The following ENTREP3 variants were observed in gnomAD, a reference collection of about 807,000 sequenced individuals.
ENTREP3 encodes protein ENTREP3.
chr1:155,247,879 G>A, the ENTREP3 span: 1 of 1,555,290 alleles, frequency 6.4e-7, no homozygotes, highest in Middle Eastern at 1.7e-4. Flanking sequence ...CCGCAGGGAA[G>A]AGCTAGAGCT....
chr1:155,253,710 C>A, the ENTREP3 span: 1 of 1,609,060 alleles, frequency 6.2e-7, no homozygotes, highest in Non-Finnish European at 8.5e-7. Flanking sequence ...AATGGTGAGC[C>A]CACAGACGCT....
chr1:155,247,853 G>C, the ENTREP3 span: 1 of 1,505,526 alleles, frequency 6.6e-7, no homozygotes, highest in Non-Finnish European at 8.9e-7. Flanking sequence ...TCCAGCCTGC[G>C]GCCAGACAGG....
chr1:155,254,979 G>A, the ENTREP3 span: 5 of 905,772 alleles, frequency 5.5e-6, no homozygotes, highest in Admixed American at 2.3e-5. This position sits in a 1 kb window ranked among gnomAD's most constrained non-coding sequence, Gnocchi z 4.4. Flanking sequence ...CACCCCACTC[G>A]CTCTAGAGCC....
chr1:155,247,999 CTGA>C, the ENTREP3 span: 1 of 1,613,120 alleles, frequency 6.2e-7, no homozygotes, highest in Non-Finnish European at 8.5e-7. Context: ...AAGGCTCAAT[CTGA>C]AGCTCCACGC....
the ENTREP3 span, chr1:155,251,923 A>G: frequency 7.0e-7 from 1 of 1,419,974 alleles, no homozygotes; most frequent in Non-Finnish European, 9.2e-7. Flanking sequence ...GGAAGCGAGC[A>G]GGTCAGCAAG....
the ENTREP3 span, chr1:155,254,695 G>A: frequency 8.1e-6 from 13 of 1,611,494 alleles, no homozygotes; most frequent in African/African-American, 5.3e-5. This position sits in a 1 kb window ranked among gnomAD's most constrained non-coding sequence, Gnocchi z 4.4. Context: ...TGATGCTCTC[G>A]GTGGTGGTGA....
At chr1:155,251,856 G>A in the ENTREP3 span, 34 of 1,519,328 alleles carry the variant, frequency 2.2e-5, no homozygotes, top group East Asian at 1.7e-4. Flanking sequence ...GGGCGGGGAC[G>A]TGCAGCCCAG....
chr1:155,247,762 A>C, the ENTREP3 span: 2 of 1,458,656 alleles, frequency 1.4e-6, no homozygotes, highest in Non-Finnish European at 1.8e-6. Flanking sequence ...GGATGTGTTC[A>C]GTGTGACAAG....
the ENTREP3 span, chr1:155,253,810 G>A: frequency 6.2e-7 from 1 of 1,611,416 alleles, no homozygotes; most frequent in East Asian, 2.2e-5. Flanking sequence ...ACCCCAGCAG[G>A]GGAGGCAAGA....
the ENTREP3 span, among the ~76,000 whole-genome samples, chr1:155,248,643 T>C: frequency 6.7e-6 from 1 of 148,998 alleles, no homozygotes; most frequent in African/African-American, 2.5e-5. Flanking sequence ...GATGGTACAA[T>C]CCACCACAAC....
chr1:155,248,464 C>A, the ENTREP3 span: 1 of 1,613,600 alleles, frequency 6.2e-7, no homozygotes, highest in African/African-American at 1.3e-5. Flanking sequence ...ATAAAGGTCC[C>A]TGAAGTCAGC....
chr1:155,249,884 TCAAA>T, the ENTREP3 span, among the ~76,000 whole-genome samples: 4 of 116,816 alleles, frequency 3.4e-5, no homozygotes, highest in Non-Finnish European at 5.3e-5. Flanking sequence ...AGACACCGTC[TCAAA>T]AAAAAAAAAA....
chr1:155,254,059 C>A, the ENTREP3 span: 2 of 1,613,826 alleles, frequency 1.2e-6, no homozygotes, highest in Non-Finnish European at 1.7e-6. The surrounding 1 kb of genome is among the most constrained non-coding windows in gnomAD (Gnocchi z 4.4). Context: ...CCAGTTCTTT[C>A]CAGCTCTCCC....
chr1:155,253,897 G>A, the ENTREP3 span: 2 of 1,612,846 alleles, frequency 1.2e-6, no homozygotes, highest in Non-Finnish European at 1.7e-6. Context: ...GTGGAGTTAG[G>A]GGCAACTTTC....
chr1:155,253,633 C>T, the ENTREP3 span: 30 of 1,612,910 alleles, frequency 1.9e-5, no homozygotes, highest in Admixed American at 2.2e-4. Flanking sequence ...ACCGTATGCA[C>T]GAGGTCCAGG....
the ENTREP3 span, chr1:155,250,675 G>T: frequency 1.2e-6 from 2 of 1,612,422 alleles, no homozygotes; most frequent in South Asian, 1.1e-5. This position sits in a 1 kb window ranked among gnomAD's most constrained non-coding sequence, Gnocchi z 5.4. Context: ...TAGCCGGCAC[G>T]GCTGCGCTGG....
chr1:155,254,634 A>C, the ENTREP3 span: 2 of 1,604,102 alleles, frequency 1.2e-6, no homozygotes, highest in Non-Finnish European at 1.7e-6. The surrounding 1 kb of genome is among the most constrained non-coding windows in gnomAD (Gnocchi z 4.4). Flanking sequence ...CCCACCCAAC[A>C]ACTGTGCACC....
the ENTREP3 span, chr1:155,248,446 A>T: frequency 6.2e-7 from 1 of 1,613,820 alleles, no homozygotes; most frequent in African/African-American, 1.3e-5. Context: ...TTCCTCAAGC[A>T]CTTTGGTATA....
At chr1:155,247,679 G>A in the ENTREP3 span, 1 of 1,111,038 alleles carries the variant, frequency 9.0e-7, no homozygotes, top group Non-Finnish European at 1.3e-6. Flanking sequence ...GTATACAGCA[G>A]GTTTCTTTTT....
Sources: gnomAD v4.1 joint callset for allele counts (sites outside exome capture counted in the v4.1 genomes callset) on GRCh38, gnomAD v4.1.1 for gene constraint, Gnocchi (gnomAD v3.1) non-coding constraint, MANE v1.5 for transcripts, NCBI Gene and HGNC (gene_info 2026-07-23, HGNC 2026-07-21) for gene names.